Variants in BCL11B observed in about 807,000 individuals in gnomAD.
BCL11B encodes B-cell lymphoma/leukemia 11B.
In BCL11B, 8 loss-of-function variants were observed where a neutral mutation model predicts 49.9. The ratio of observed to expected loss-of-function variants is 0.16; its 90% CI spans 0.09 to 0.29. The LOEUF is 0.29. BCL11B is among the 10% of genes least tolerant of loss of function. The probability of loss-of-function intolerance (pLI) is 1.00; values close to 1 mark genes in which losing one functional copy is unlikely to be tolerated. For missense variants in BCL11B, 1,006 were observed against 1,351.0 expected, an observed-to-expected ratio of 0.74 and a Z score of 4.00; for synonymous variants, 739 against 637.4, an observed-to-expected ratio of 1.16 and a Z score of -2.40.
At position 99,175,130 on chromosome 14, in the gene BCL11B, C is replaced by T. The variant is rs1462586809; in HGVS notation, c.1706G>A (p.Gly569Asp). 5 of 1,596,672 alleles carry T rather than the reference C, an allele frequency of 3.1e-6. No homozygotes were observed. The highest frequency in any genetic ancestry group is 2.6e-6 in the Non-Finnish European group (3 of 1,174,614). ...DSELSRNREN[G>D]GGGVPGVPGA... Reference sequence around the variant, plus strand: ...CGGGACCCCGGGCACCCCACCACCGCCGTTCTCGCGGTTGCGGCTCAGCTC... The same window carrying T: ...CGGGACCCCGGGCACCCCACCACCGTCGTTCTCGCGGTTGCGGCTCAGCTC... The change falls in exon 4 of 4, where the codon GGC becomes GAC. Residue 569 changes from glycine to aspartate, a missense_variant. Around this residue, in one of 6 missense-constraint regions of BCL11B, gnomAD observed 443 missense variants for 499.7 expected, o/e 0.89. Coordinates refer to ENST00000357195, the MANE Select transcript of BCL11B (RefSeq NM_138576.4).
rs142938615 is a variant in BCL11B at position 99,184,137 on chromosome 14, T to A, written c.641-7942A>T. 2.6e-5 allele frequency among the ~76,000 whole-genome samples: 4 copies of A among 151,922 alleles called. No individual in the cohort carries two copies. In the East Asian group the frequency reaches 7.8e-4, roughly 30 times the overall value. ...GATCCGGTCCCACTTGCTGCCTGCCTTTTGCACACACCCATGAGCTGCCCA... is the reference window on the plus strand; with the variant it reads ...GATCCGGTCCCACTTGCTGCCTGCCATTTGCACACACCCATGAGCTGCCCA... On this transcript the variant is annotated intron_variant, in intron 3 of 3. Transcript: ENST00000357195. The surrounding 1 kb of genome is among the most constrained non-coding windows in gnomAD (Gnocchi z 6.1).
At chr14:99,254,773 C>T (rs1357515937) in intron 2 of BCL11B, among the ~76,000 whole-genome samples, 2 of 152,208 alleles carry the variant, frequency 1.3e-5, no homozygotes, top group Non-Finnish European at 2.9e-5. Context: ...GACGGGTTTC[C>T]GGAAGCCTGG....
chr14:99,226,056 G>A (rs141308159), intron 3 of BCL11B, among the ~76,000 whole-genome samples: 1 of 152,382 alleles, frequency 6.6e-6, no homozygotes, highest in Non-Finnish European at 1.5e-5. Context: ...GGAATCAACA[G>A]CGCTTGCACG....
chr14:99,187,778 T>TTCC (rs11281373), intron 3 of BCL11B, among the ~76,000 whole-genome samples: 3 of 150,394 alleles, frequency 2.0e-5, no homozygotes, highest in East Asian at 2.0e-4. Flanking sequence ...CATGCAGGCC[T>TTCC]TCCTCCTCCT....
intron 3 of BCL11B, among the ~76,000 whole-genome samples, chr14:99,223,735 T>G (rs1595260987): frequency 6.6e-6 from 1 of 152,264 alleles, no homozygotes; most frequent in East Asian, 1.9e-4. Context: ...TGGATTCCAA[T>G]GCAGTCAGGC....
chr14:99,218,375 C>T (rs1257440), intron 3 of BCL11B, among the ~76,000 whole-genome samples: 99,695 of 151,390 alleles, frequency 0.66, 33,262 homozygotes, highest in Admixed American at 0.73. Context: ...CCACTGCGCC[C>T]GGCCACAGAT....
intron 3 of BCL11B, among the ~76,000 whole-genome samples, chr14:99,203,992 C>T (rs1479347039): frequency 6.6e-6 from 1 of 152,156 alleles, no homozygotes; most frequent in Non-Finnish European, 1.5e-5. Flanking sequence ...TCCCCCAGGC[C>T]CTTGCAGATG....
In BCL11B at chr14:99,247,500, C is replaced by A. The variant is rs907471607; in HGVS notation, c.427+9971G>T. On this transcript the variant is annotated intron_variant, in intron 2 of 3. Transcript: ENST00000357195. This position sits in a 1 kb window ranked among gnomAD's most constrained non-coding sequence, Gnocchi z 4.5. ...GTTGTCTCTCTGAGCCCAGGACAGC[C>A]AGTCTCTGCCCTCAAACCCCAAGGG... 6.6e-6 allele frequency among the ~76,000 whole-genome samples: 1 copy of A among 152,204 alleles called. No homozygotes were observed. The highest frequency in any genetic ancestry group is 1.5e-5 in the Non-Finnish European group (1 of 68,034).
In BCL11B at chr14:99,174,110, CGG is replaced by C; in HGVS notation, c.*39_*40del. The C allele has an allele frequency of 6.3e-7, 1 of 1,585,600 alleles. No individual in the cohort carries two copies. Among genetic ancestry groups the C allele is most frequent in the Non-Finnish European group, 8.6e-7 (1 of 1,165,732 alleles). On this transcript the variant is annotated 3_prime_UTR_variant, in exon 4 of 4. Transcript: ENST00000357195. ...AGGTCAGCATTCTCTCGGTTGGCAA[CGG>C]TTCCACTGTACAGGTGCGGGGCGCC...
chr14:99,233,330 G>C (rs1166157409), intron 2 of BCL11B, among the ~76,000 whole-genome samples: 1 of 152,178 alleles, frequency 6.6e-6, no homozygotes, highest in Non-Finnish European at 1.5e-5. Context: ...GGCTTAGGGA[G>C]ATCTGAGACT....
rs1444289724 is a variant in BCL11B, at chr14:99,232,105, C to T, written c.428-548G>A. On this transcript the variant is annotated intron_variant, in intron 2 of 3. Coordinates refer to ENST00000357195, the MANE Select transcript of BCL11B (RefSeq NM_138576.4). This position sits in a 1 kb window ranked among gnomAD's most constrained non-coding sequence, Gnocchi z 5.1. ...TCTGTTAGCCTCCTGTCTGGCAGAC[C>T]ACCAGCTGGGGGCTCTCTCCAGCCC... Among the ~76,000 whole-genome samples, 1 of 152,148 alleles carries T rather than the reference C, an allele frequency of 6.6e-6. No individual in the cohort carries two copies. Among genetic ancestry groups the T allele is most frequent in the Non-Finnish European group, 1.5e-5 (1 of 68,004 alleles).
Position 99,239,940 on chromosome 14 carries a change from G to A in BCL11B, c.428-8383C>T, listed in dbSNP as rs146684695. ...CCAATAAAAAGAACATAAAGAAAAC[G>A]GAGTGCCCAGCAAGGAGGTTATTGG... On this transcript the variant is annotated intron_variant, in intron 2 of 3. Coordinates refer to ENST00000357195, the MANE Select transcript of BCL11B (RefSeq NM_138576.4). Among the ~76,000 whole-genome samples, 41 of 152,260 alleles carry A rather than the reference G, an allele frequency of 2.7e-4. 1 individual carries two copies. The highest frequency in any genetic ancestry group is 8.9e-4 in the African/African-American group (37 of 41,542).
chr14:99,249,574 G>A (rs112250124), intron 2 of BCL11B, among the ~76,000 whole-genome samples: 109 of 152,334 alleles, frequency 7.2e-4, no homozygotes, highest in African/African-American at 2.4e-3. Flanking sequence ...CCCTCGTGGG[G>A]CAGAGAGGTG....
At chr14:99,270,969 T>C (rs1487362169) in intron 1 of BCL11B, among the ~76,000 whole-genome samples, 192 bp downstream of exon 1, 1 of 148,618 alleles carries the variant, frequency 6.7e-6, no homozygotes, top group Non-Finnish European at 1.5e-5. Context: ...GCGCCCCAAC[T>C]CCCCGGGCTG....
intron 2 of BCL11B, among the ~76,000 whole-genome samples, chr14:99,240,297 C>T (rs115010737): frequency 0.013 from 2,006 of 152,238 alleles, 50 homozygotes; most frequent in African/African-American, 0.046. Context: ...GAATTATAGG[C>T]AATTGATTTC....
At chr14:99,210,773 G>A (rs1335771355) in intron 3 of BCL11B, among the ~76,000 whole-genome samples, 2 of 152,174 alleles carry the variant, frequency 1.3e-5, no homozygotes, top group African/African-American at 4.8e-5. Context: ...GGTCTAGCAG[G>A]GGTGACTTTG....
rs2139757273 is a variant in BCL11B, at chr14:99,175,139, C to G, written c.1697G>C (p.Arg566Pro). ...FSMDSELSRN[R>P]ENGGGGVPGV... ...GGGCACCCCACCACCGCCGTTCTCG[C>G]GGTTGCGGCTCAGCTCCGAGTCCAT... The change falls in exon 4 of 4, where the codon CGC becomes CCC. Residue 566 changes from arginine (R) to proline (P), a missense_variant. Physicochemically the swap from Arg to Pro is moderately radical, Grantham distance 103 (BLOSUM62 -2). This residue lies in a region of BCL11B where 443 missense variants were observed against 499.7 expected (regional missense o/e 0.89). Transcript: ENST00000357195. 1 of 1,596,282 alleles carries G rather than the reference C, an allele frequency of 6.3e-7. No individual in the cohort carries two copies. The highest frequency in any genetic ancestry group is 8.5e-7 in the Non-Finnish European group (1 of 1,174,226).
chr14:99,235,106 T>G (rs1041865145), intron 2 of BCL11B, among the ~76,000 whole-genome samples: 1 of 152,126 alleles, frequency 6.6e-6, no homozygotes, highest in Non-Finnish European at 1.5e-5. Context: ...CAAAAACGCC[T>G]GGAAAAGCCC....
chr14:99,271,368 T>G lies in BCL11B; in HGVS notation c.-150A>C. On this transcript the variant is annotated 5_prime_UTR_variant, in exon 1 of 4. Transcript: ENST00000357195. ...CTCCTCTGCCCGGGTTGGTGTTTTTTTTCCCTTCCTCTCTTTCCCTCTCTT... is the reference window on the plus strand; with the variant it reads ...CTCCTCTGCCCGGGTTGGTGTTTTTGTTCCCTTCCTCTCTTTCCCTCTCTT... 2.7e-6 allele frequency: 1 copy of G among 376,384 alleles called. No homozygotes were observed. Among genetic ancestry groups the G allele is most frequent in the South Asian group, 1.1e-4 (1 of 8,966 alleles). 23.3% of individuals were successfully genotyped at this position (376,384 alleles called of 1,614,324 possible).
Sources: allele counts gnomAD v4.1 joint callset (sites outside exome capture counted in the v4.1 genomes callset), GRCh38; gene constraint gnomAD v4.1.1; regional missense constraint gnomAD v4.1.1; non-coding constraint Gnocchi (gnomAD v3.1); transcripts MANE v1.5; gene names NCBI Gene and HGNC (gene_info 2026-07-23, HGNC 2026-07-21).